The following TLN1 variants were observed in gnomAD, a reference collection of about 807,000 sequenced individuals.
TLN1 encodes talin 1.
In TLN1, 56 loss-of-function variants were observed where a neutral mutation model predicts 292.3. The observed-to-expected ratio is 0.19, with a 90% CI of 0.15 to 0.24. TLN1 has a LOEUF of 0.24. TLN1 is among the 10% of genes least tolerant of loss of function. The pLI is 1.00. For synonymous variants in TLN1, 1,119 were observed against 1,253.7 expected (o/e 0.89, Z 2.27); for missense variants, 2,433 against 3,248.2 (o/e 0.75, Z 6.10).
chr9:35,718,136 T>A (rs752439620), intron 17 of TLN1, among the ~76,000 whole-genome samples: 9 of 152,182 alleles, frequency 5.9e-5, no homozygotes, highest in Non-Finnish European at 1.3e-4. Flanking sequence ...GCTTCTTTAC[T>A]CCACTTCTTG....
At chr9:35,722,983 AACTGTGG>A in intron 7 of TLN1, 62 bp from the exon 8 acceptor site, 1 of 1,471,868 alleles carries the variant, frequency 6.8e-7, no homozygotes, top group Non-Finnish European at 9.5e-7. Flanking sequence ...GTGGGCCATG[AACTGTGG>A]GCCTGGGGGT....
chr9:35,712,859 A>G lies in TLN1; in HGVS notation c.3537T>C (p.Pro1179=), dbSNP rs1304767485. ...AKKAAGHPGD[P]ESQQRLAQVA... Reference sequence around the variant, plus strand: ...CCTGGGCAAGCCGCTGCTGGCTCTCAGGGTCCCCTGGATGGCCAGCTGCCT... The same window carrying G: ...CCTGGGCAAGCCGCTGCTGGCTCTCGGGGTCCCCTGGATGGCCAGCTGCCT... Residue 1179 remains proline, a synonymous_variant, in exon 27 of 57, where the codon CCT becomes CCC. Transcript: ENST00000314888. 1.3e-6 allele frequency: 2 copies of G among 1,589,168 alleles called. No individual in the cohort carries two copies. The highest frequency in any genetic ancestry group is 1.1e-5 in the South Asian group (1 of 87,814).
chr9:35,709,496 T>C (rs1452388205), intron 33 of TLN1, among the ~76,000 whole-genome samples: 1 of 152,164 alleles, frequency 6.6e-6, no homozygotes, highest in Non-Finnish European at 1.5e-5. Flanking sequence ...CAAAATACTT[T>C]ACAGCTAATA....
At position 35,703,554 on chromosome 9, in the gene TLN1, A is replaced by T; in HGVS notation, c.6474+6T>A. ...CTAGTCACTGATGCCCCAGACTCTC[A>T]CTCACCGCCAGCTCCTGCCGTATGT... is the stretch of plus-strand genomic sequence containing the variant. On this transcript the variant is annotated splice_donor_region_variant and intron_variant, in intron 48 of 56. Transcript: ENST00000314888. 1.2e-6 allele frequency: 2 copies of T among 1,613,502 alleles called. No homozygotes were observed. Among genetic ancestry groups the T allele is most frequent in the African/African-American group, 1.3e-5 (1 of 74,916 alleles).
chr9:35,697,600 C>A lies in TLN1; in HGVS notation c.*191G>T, dbSNP rs1825389095. The A allele has an allele frequency of 1.4e-6, 1 of 720,216 alleles. No homozygotes were observed. Among genetic ancestry groups the A allele is most frequent in the Non-Finnish European group, 2.2e-6 (1 of 457,134 alleles). The allele number at this position is 720,216 out of a possible 1,614,324, so 44.6% of individuals were successfully genotyped here. A position where few individuals can be genotyped will look rare whatever the true frequency, so the allele number is the denominator to read the frequency against. On this transcript the variant is annotated 3_prime_UTR_variant, in exon 57 of 57. Transcript: ENST00000314888. ...GGCAGGCACTTGGGGGGCCCTAGGG[C>A]ATGAAGGCACTTGGGGTTGGGGAGG...
rs750304814 is a variant in TLN1, at chr9:35,715,219, C to T, written c.2626-32G>A. On this transcript the variant is annotated intron_variant, in intron 20 of 56. Transcript: ENST00000314888. ...GAGAGGTGGAAAGACAGTCATCACC[C>T]AGCTCTCCTGTGGATCCTAAAGAAG... 95 of 1,603,024 alleles carry T rather than the reference C, an allele frequency of 5.9e-5. No homozygotes were observed. In the East Asian group the frequency reaches 2.1e-3, roughly 36 times the overall value.
Position 35,718,792 on chromosome 9 carries a change from G to A in TLN1, c.1995+20C>T, listed in dbSNP as rs1825830232. 2.5e-5 allele frequency: 40 copies of A among 1,599,708 alleles called. No individual in the cohort carries two copies. The highest frequency in any genetic ancestry group is 3.3e-5 in the Non-Finnish European group (38 of 1,167,870). ...ACTTCCTAGATTCTGGGGTTCTGGG[G>A]GGTTGGGTAAGTCACCAACCTGGAA... On this transcript the variant is annotated intron_variant, in intron 17 of 56. Transcript: ENST00000314888.
chr9:35,728,075 C>G (rs1183286956), intron 1 of TLN1, among the ~76,000 whole-genome samples: 1 of 152,200 alleles, frequency 6.6e-6, no homozygotes, highest in Non-Finnish European at 1.5e-5. Flanking sequence ...CCGTGTCCCC[C>G]TCCCAGGGAA....
Position 35,711,630 on chromosome 9 carries a change from G to T in TLN1, c.3844C>A (p.Leu1282Met). ...GRFGQDFSTF[L>M]EAGVEMAGQA... The stretch of plus-strand genomic sequence containing the variant: ...CCTGCCATCTCCACACCAGCTTCCA[G>T]GAAGGTGCTGAAGTCCTGTCCAAAT... Residue 1282 changes from leucine to methionine, a missense_variant, in exon 29 of 57, where the codon CTG becomes ATG. This residue lies in a region of TLN1 where 1,384 missense variants were observed against 1,699.6 expected (regional missense o/e 0.81). Coordinates refer to ENST00000314888, the MANE Select transcript of TLN1 (RefSeq NM_006289.4). 1 of 1,614,054 alleles carries T rather than the reference G, an allele frequency of 6.2e-7. No homozygotes were observed.
At chr9:35,726,056 G>C (rs1825972105) in intron 1 of TLN1, among the ~76,000 whole-genome samples, 1 of 152,106 alleles carries the variant, frequency 6.6e-6, no homozygotes. Context: ...GGGACTACAG[G>C]CGCCCGCTGC....
chr9:35,697,670 G>A lies in TLN1; in HGVS notation c.*121C>T, dbSNP rs1825390682. On this transcript the variant is annotated 3_prime_UTR_variant, in exon 57 of 57. Transcript: ENST00000314888. Reference sequence around the variant, plus strand: ...GGACTGGGCGGGGCCAGGCCCTGGGGTTTGGCAGGCACTTTGGGGAGTGCT... The same window carrying A: ...GGACTGGGCGGGGCCAGGCCCTGGGATTTGGCAGGCACTTTGGGGAGTGCT... 6.9e-7 allele frequency: 1 copy of A among 1,449,438 alleles called. No homozygotes were observed. The highest frequency in any genetic ancestry group is 9.3e-7 in the Non-Finnish European group (1 of 1,075,452). The allele number at this position is 1,449,438 out of a possible 1,614,324, so 89.8% of individuals were successfully genotyped here. A position where few individuals can be genotyped will look rare whatever the true frequency, so the allele number is the denominator to read the frequency against.
chr9:35,713,668 A>G (rs1825718012), intron 25 of TLN1, among the ~76,000 whole-genome samples: 1 of 151,930 alleles, frequency 6.6e-6, no homozygotes, highest in Middle Eastern at 3.2e-3. Flanking sequence ...TAGGTGACAG[A>G]GCGAGACTCC....
At position 35,717,564 on chromosome 9, in the gene TLN1, G is replaced by A. The variant is rs967469524; in HGVS notation, c.2163+55C>T. 1.6e-5 allele frequency: 25 copies of A among 1,586,266 alleles called. No homozygotes were observed. The highest frequency in any genetic ancestry group is 2.1e-5 in the Non-Finnish European group (24 of 1,160,610). On this transcript the variant is annotated intron_variant, in intron 18 of 56. Transcript: ENST00000314888. The surrounding 1 kb of genome is among the most constrained non-coding windows in gnomAD (Gnocchi z 4.7). ...CAAAGAAATAAAATGAAAGGCTCAC[G>A]TGTGTGTGGTAGTATTACCCCTCAG...
chr9:35,719,075 T>C lies in TLN1; in HGVS notation c.1895A>G (p.Glu632Gly), dbSNP rs367875252. ...LLRSAQPASA[E>G]PRQNLLQAAG... ...TAACCCAAACCTGTGGCCCCTGACC[T>C]CAGCACTGGCTGGTTGGGCACTGCG... The change falls in exon 16 of 57, where the codon GAG (glutamate) becomes GGG (glycine). Residue 632 changes from glutamate (E) to glycine (G), a missense_variant and splice_region_variant. By Grantham distance (98) the Glu-to-Gly change is moderately conservative. This residue lies in a region of TLN1 where 617 missense variants were observed against 770.6 expected (regional missense o/e 0.80). Transcript: ENST00000314888. The surrounding 1 kb of genome is among the most constrained non-coding windows in gnomAD (Gnocchi z 4.6). 3 of 1,611,766 alleles carry C rather than the reference T, an allele frequency of 1.9e-6. No individual in the cohort carries two copies. The highest frequency in any genetic ancestry group is 2.5e-6 in the Non-Finnish European group (3 of 1,178,982).
chr9:35,721,864 C>A, intron 9 of TLN1, 61 bp from the exon 10 acceptor site: 2 of 1,586,698 alleles, frequency 1.3e-6, no homozygotes, highest in South Asian at 1.1e-5. Context: ...GGTGAATGAT[C>A]AGATCAGCTT....
chr9:35,721,816 G>GGTTGGT lies in TLN1; in HGVS notation c.949-19_949-14dup. 6.2e-7 allele frequency: 1 copy of GGTTGGT among 1,606,178 alleles called. No homozygotes were observed. The highest frequency in any genetic ancestry group is 8.5e-7 in the Non-Finnish European group (1 of 1,173,166). ...CTTTCATTTTTTCCTATGAGGCAGA[G>GGTTGGT]GTTGGTGTTGGTGTTACAGGTCAGA... On this transcript the variant is annotated splice_polypyrimidine_tract_variant and intron_variant, in intron 9 of 56. Transcript: ENST00000314888.
rs138290691 is a variant in TLN1, at chr9:35,727,614, C to T, written c.-33-1887G>A. On this transcript the variant is annotated intron_variant, in intron 1 of 56. Coordinates refer to ENST00000314888, the MANE Select transcript of TLN1 (RefSeq NM_006289.4). ...CACTTTGCCCAACCTTATTACTATC[C>T]GCTTGTGTCCCAGCTGGACAGACCT... Among the ~76,000 whole-genome samples, 146 of 152,276 alleles carry T rather than the reference C, an allele frequency of 9.6e-4. 1 individual carries two copies. The highest frequency in any genetic ancestry group is 3.3e-3 in the African/African-American group (136 of 41,554).
At position 35,707,054 on chromosome 9, in the gene TLN1, T is replaced by A. The variant is rs1825577077; in HGVS notation, c.4955+18A>T. 6.2e-7 allele frequency: 1 copy of A among 1,610,334 alleles called. No homozygotes were observed. The highest frequency in any genetic ancestry group is 1.7e-5 in the Admixed American group (1 of 58,644). On this transcript the variant is annotated intron_variant, in intron 37 of 56. Transcript: ENST00000314888. The surrounding 1 kb of genome is among the most constrained non-coding windows in gnomAD (Gnocchi z 5.6). ...AATGTATGCCCCCCAGCCACACTGG[T>A]TCCCCATCCCTCAATACCTCATGCT...
chr9:35,724,966 G>C lies in TLN1; in HGVS notation c.229-7C>G, dbSNP rs1298550210. The C allele has an allele frequency of 1.2e-6, 2 of 1,613,948 alleles. No individual in the cohort carries two copies. The highest frequency in any genetic ancestry group is 1.7e-6 in the Non-Finnish European group (2 of 1,180,052). Reference sequence around the variant, plus strand: ...TCCTGTACTCCATAGTGTCCTGTTAGGGCAGGAAGAAGAGACAGGGGCCTA... The same window carrying C: ...TCCTGTACTCCATAGTGTCCTGTTACGGCAGGAAGAAGAGACAGGGGCCTA... On this transcript the variant is annotated splice_region_variant and splice_polypyrimidine_tract_variant and intron_variant, in intron 3 of 56. Coordinates refer to ENST00000314888, the MANE Select transcript of TLN1 (RefSeq NM_006289.4). The surrounding 1 kb of genome is among the most constrained non-coding windows in gnomAD (Gnocchi z 4.7).
Sources: gnomAD v4.1 joint callset for allele counts (sites outside exome capture counted in the v4.1 genomes callset) on GRCh38, gnomAD v4.1.1 for gene constraint, gnomAD v4.1.1 regional missense constraint, Gnocchi (gnomAD v3.1) non-coding constraint, MANE v1.5 for transcripts, NCBI Gene and HGNC (gene_info 2026-07-23, HGNC 2026-07-21) for gene names.